The following CHN2 variants were observed in gnomAD, a reference collection of about 807,000 sequenced individuals.
CHN2 encodes the protein beta-chimaerin.
A neutral mutation model predicts 56.3 loss-of-function variants in CHN2; 35 were observed. The observed-to-expected ratio is 0.62, with a 90% CI of 0.47 to 0.82. CHN2 has a LOEUF of 0.82. Among genes scored for constraint, CHN2 ranks in the 40% least tolerant of loss-of-function variants. The pLI, the probability that CHN2 is intolerant of heterozygous loss-of-function variation, is 0.00. For synonymous variants in CHN2, 210 were observed against 212.8 expected (o/e 0.99, Z 0.12); for missense variants, 491 against 580.5 (o/e 0.85, Z 1.58).
chr7:29,257,583 G>A (rs28607917), intron 1 of CHN2, among the ~76,000 whole-genome samples: 28 of 152,130 alleles, frequency 1.8e-4, no homozygotes, highest in African/African-American at 6.5e-4. Context: ...AGATGTTTTT[G>A]CATCCAATCC....
chr7:29,328,059 G>C (rs774199294), intron 1 of CHN2, among the ~76,000 whole-genome samples: 34 of 152,262 alleles, frequency 2.2e-4, no homozygotes, highest in Admixed American at 5.9e-4. Flanking sequence ...GAGATAGTTA[G>C]TGTCCATGAA....
intron 1 of CHN2, among the ~76,000 whole-genome samples, chr7:29,256,087 T>A (rs546699044): frequency 1.3e-5 from 2 of 152,250 alleles, no homozygotes; most frequent in Non-Finnish European, 2.9e-5. Flanking sequence ...TTCTTTTCGT[T>A]CATTTCATGT....
At chr7:29,441,077 T>C (rs1160254719) in intron 6 of CHN2, among the ~76,000 whole-genome samples, 1 of 152,230 alleles carries the variant, frequency 6.6e-6, no homozygotes, top group Non-Finnish European at 1.5e-5. Context: ...ATTTACTCTC[T>C]TAGCATGGGG....
At chr7:29,273,363 A>ATATATATATGTG (rs1554387242) in intron 1 of CHN2, among the ~76,000 whole-genome samples, 16 of 69,856 alleles carry the variant, frequency 2.3e-4, no homozygotes, top group Admixed American at 1.4e-4. Flanking sequence ...ATATATATAT[A>ATATATATATGTG]TATATATATA....
intron 1 of CHN2, among the ~76,000 whole-genome samples, chr7:29,341,370 A>G (rs1319291307): frequency 3.3e-5 from 5 of 152,120 alleles, no homozygotes; most frequent in Admixed American, 3.3e-4. Context: ...AATTACTACA[A>G]TTATATTAAC....
At chr7:29,181,284 A>G (rs570232712) in intron 2 of CHN2, 1 of 152,310 alleles carries the variant, frequency 6.6e-6, no homozygotes, top group East Asian at 1.9e-4. Flanking sequence ...AGCAGGCGTT[A>G]CTCACATTGT....
chr7:29,186,781 A>AT (rs956859821), intron 2 of CHN2, among the ~76,000 whole-genome samples: 13 of 149,992 alleles, frequency 8.7e-5, no homozygotes, highest in East Asian at 1.9e-4. Context: ...CTAAAGGGTA[A>AT]TTTTTTTTTT....
rs779398922 is a variant in CHN2 at position 29,354,616 on chromosome 7, TC to T, written c.50-8del. ...TGATGATGGATTTCTTTTTTTTTTT[TC>T]ATTCTAGATGCTGAAGAATACCAGC... is the stretch of plus-strand genomic sequence containing the variant. On this transcript the variant is annotated splice_region_variant and splice_polypyrimidine_tract_variant and intron_variant, in intron 1 of 12. Coordinates refer to ENST00000222792, the MANE Select transcript of CHN2 (RefSeq NM_004067.4). 8.8e-6 allele frequency: 14 copies of T among 1,585,008 alleles called. No individual in the cohort carries two copies. In the South Asian group the frequency reaches 1.5e-4, roughly 16 times the overall value.
intron 6 of CHN2, among the ~76,000 whole-genome samples, chr7:29,445,697 G>T (rs918974036): frequency 6.7e-6 from 1 of 149,992 alleles, no homozygotes; most frequent in African/African-American, 2.5e-5. Flanking sequence ...GGGGGTTCTT[G>T]TTTTTTTTTC....
intron 8 of CHN2, among the ~76,000 whole-genome samples, chr7:29,498,326 C>A (rs111242149): frequency 6.6e-6 from 1 of 152,192 alleles, no homozygotes; most frequent in Non-Finnish European, 1.5e-5. Flanking sequence ...ACAGGAAACC[C>A]AGCCAACTCT....
intron 1 of CHN2, among the ~76,000 whole-genome samples, chr7:29,222,262 A>G (rs993587559): frequency 1.3e-5 from 2 of 152,252 alleles, no homozygotes; most frequent in Admixed American, 6.5e-5. Context: ...GCAAGAATCA[A>G]TATCGTGAAA....
intron 3 of CHN2, among the ~76,000 whole-genome samples, chr7:29,392,774 T>G (rs1158099652): frequency 6.6e-6 from 1 of 152,192 alleles, no homozygotes; most frequent in Non-Finnish European, 1.5e-5. Context: ...ACTGTCCATT[T>G]GACTCTAGGA....
chr7:29,250,956 C>T (rs970148044), intron 1 of CHN2, among the ~76,000 whole-genome samples: 8 of 152,118 alleles, frequency 5.3e-5, no homozygotes, highest in Non-Finnish European at 1.2e-4. Context: ...GTGATCCACC[C>T]GCCTCAGCCT....
intron 1 of CHN2, among the ~76,000 whole-genome samples, chr7:29,254,423 T>C (rs567857609): frequency 2.2e-4 from 33 of 152,348 alleles, no homozygotes; most frequent in African/African-American, 7.7e-4. Context: ...ATTTGAGGCA[T>C]GTATCTCAAG....
intron 1 of CHN2, among the ~76,000 whole-genome samples, chr7:29,292,241 A>G (rs895791521): frequency 1.3e-5 from 2 of 152,226 alleles, no homozygotes; most frequent in African/African-American, 2.4e-5. Context: ...GAGCATTACT[A>G]TAAAATGCAG....
At chr7:29,244,525 G>C (rs39086) in intron 1 of CHN2, among the ~76,000 whole-genome samples, 111,785 of 152,136 alleles carry the variant, frequency 0.73, 41,809 homozygotes, top group East Asian at 0.93. Context: ...TACTGAAGCT[G>C]TGCATTGAGG....
At chr7:29,494,276 CTTTTTTTTTTCTGG>C (rs1788990095) in intron 7 of CHN2, among the ~76,000 whole-genome samples, 1 of 149,136 alleles carries the variant, frequency 6.7e-6, no homozygotes, top group Non-Finnish European at 1.5e-5. Context: ...CCTTTTTATA[CTTTTTTTTTTCTGG>C]AGTTGCATTT....
At chr7:29,416,664 C>T (rs79489058) in intron 6 of CHN2, among the ~76,000 whole-genome samples, 2,446 of 152,268 alleles carry the variant, frequency 0.016, 20 homozygotes, top group Middle Eastern at 0.027. Flanking sequence ...AAACCGCTGG[C>T]CCGGGCAGTA....
At chr7:29,308,379 A>T (rs1794330877) in intron 1 of CHN2, among the ~76,000 whole-genome samples, 1 of 152,158 alleles carries the variant, frequency 6.6e-6, no homozygotes, top group Non-Finnish European at 1.5e-5. Flanking sequence ...GAAGAGTCTA[A>T]GTGCTATCAC....
Sources: allele counts gnomAD v4.1 joint callset (sites outside exome capture counted in the v4.1 genomes callset), GRCh38; gene constraint gnomAD v4.1.1; transcripts MANE v1.5; gene names NCBI Gene and HGNC (gene_info 2026-07-23, HGNC 2026-07-21).